Variants in RUNDC3B observed in about 807,000 individuals in gnomAD.
RUNDC3B encodes RUN domain containing 3B, also known as RUN domain-containing protein 3B.
A neutral mutation model predicts 58.4 loss-of-function variants in RUNDC3B; 33 were observed. The observed-to-expected ratio is 0.56, with a 90% CI of 0.43 to 0.75. The LOEUF (loss-of-function observed/expected upper bound fraction) is 0.75, where lower values mean the gene tolerates loss of function less well. Ranked by LOEUF, RUNDC3B falls within the 30% of genes least tolerant of loss-of-function variation. The pLI is 0.00. For synonymous variants in RUNDC3B, 193 were observed against 195.2 expected, an observed-to-expected ratio of 0.99 and a Z score of 0.10; for missense variants, 501 against 535.7, an observed-to-expected ratio of 0.94 and a Z score of 0.64.
intron 2 of RUNDC3B, among the ~76,000 whole-genome samples, chr7:87,694,244 G>A (rs987892904): frequency 1.3e-5 from 2 of 152,110 alleles, no homozygotes; most frequent in African/African-American, 2.4e-5. Context: ...GCAGCTCAGG[G>A]AAGCTGTATG....
At chr7:87,694,841 AG>A (rs1828357192) in intron 2 of RUNDC3B, among the ~76,000 whole-genome samples, 1 of 152,196 alleles carries the variant, frequency 6.6e-6, no homozygotes, top group Non-Finnish European at 1.5e-5. Context: ...TTCAATATTC[AG>A]ATTTTTGCTG....
intron 2 of RUNDC3B, among the ~76,000 whole-genome samples, chr7:87,681,787 G>T (rs1480507178): frequency 6.6e-6 from 1 of 152,096 alleles, no homozygotes; most frequent in East Asian, 1.9e-4. Context: ...AAGGCAGGAG[G>T]ATCACTTGAG....
At chr7:87,708,325 C>T (rs547702475) in intron 3 of RUNDC3B, among the ~76,000 whole-genome samples, 1 of 152,052 alleles carries the variant, frequency 6.6e-6, no homozygotes, top group South Asian at 2.1e-4. Flanking sequence ...GTATATCTCA[C>T]AGACATTAAA....
At chr7:87,691,548 T>A (rs1317091885) in intron 2 of RUNDC3B, among the ~76,000 whole-genome samples, 4 of 152,228 alleles carry the variant, frequency 2.6e-5, no homozygotes, top group African/African-American at 9.6e-5. Flanking sequence ...CAAAAGGTTT[T>A]GTTTCCATCT....
At chr7:87,807,225 C>A in intron 8 of RUNDC3B, 148 bp from the exon 9 acceptor site, 1 of 613,608 alleles carries the variant, frequency 1.6e-6, no homozygotes, top group Non-Finnish European at 2.8e-6. Flanking sequence ...AATCATTGTC[C>A]CAACCATCCT....
chr7:87,682,475 G>C (rs939205394), intron 2 of RUNDC3B, among the ~76,000 whole-genome samples: 3 of 152,144 alleles, frequency 2.0e-5, no homozygotes, highest in African/African-American at 7.2e-5. Context: ...TAAGACTTGG[G>C]TCTAAATTAC....
chr7:87,732,894 C>G (rs1229220200), intron 4 of RUNDC3B, among the ~76,000 whole-genome samples: 2 of 152,096 alleles, frequency 1.3e-5, no homozygotes, highest in East Asian at 3.9e-4. Context: ...TAATTTCTAA[C>G]AGAGCCTTAA....
chr7:87,769,489 T>C (rs2130867458), intron 6 of RUNDC3B, among the ~76,000 whole-genome samples: 1 of 152,272 alleles, frequency 6.6e-6, no homozygotes, highest in East Asian at 1.9e-4. Context: ...TGTTTGCTCC[T>C]GCATTTGACA....
chr7:87,639,878 T>G (rs908626018), intron 1 of RUNDC3B, among the ~76,000 whole-genome samples: 1 of 151,906 alleles, frequency 6.6e-6, no homozygotes, highest in Non-Finnish European at 1.5e-5. Context: ...CCATTTTAAT[T>G]AACGTTATTA....
chr7:87,796,126 AAAG>A (rs1280628030), intron 8 of RUNDC3B, among the ~76,000 whole-genome samples: 1 of 152,232 alleles, frequency 6.6e-6, no homozygotes, highest in Non-Finnish European at 1.5e-5. Flanking sequence ...ATTCAGCCAT[AAAG>A]AAGAATGAGA....
chr7:87,757,280 A>C (rs187745124), intron 6 of RUNDC3B, among the ~76,000 whole-genome samples: 1 of 152,252 alleles, frequency 6.6e-6, no homozygotes, highest in East Asian at 1.9e-4. Context: ...TACTTTCTAT[A>C]AATGGAAAAG....
chr7:87,703,073 A>G (rs1242575546), intron 3 of RUNDC3B, among the ~76,000 whole-genome samples: 2 of 152,202 alleles, frequency 1.3e-5, no homozygotes, highest in African/African-American at 4.8e-5. Flanking sequence ...AGAATGAAAC[A>G]TTAAGTAGAA....
intron 4 of RUNDC3B, among the ~76,000 whole-genome samples, chr7:87,715,335 TTAA>T (rs1830477493): frequency 8.5e-6 from 1 of 117,214 alleles, no homozygotes; most frequent in African/African-American, 3.7e-5. Context: ...TTATATATAA[TTAA>T]TTTATAATAA....
intron 9 of RUNDC3B, among the ~76,000 whole-genome samples, chr7:87,810,296 A>G (rs1836644097): frequency 6.6e-6 from 1 of 152,216 alleles, no homozygotes; most frequent in African/African-American, 2.4e-5. Context: ...CAGCTTTTAT[A>G]GGCCAAACAA....
Position 87,650,878 on chromosome 7 carries a change from C to G in RUNDC3B, c.179C>G (p.Ser60Cys). 6.2e-7 allele frequency: 1 copy of G among 1,613,130 alleles called. No individual in the cohort carries two copies. Among genetic ancestry groups the G allele is most frequent in the East Asian group, 2.2e-5 (1 of 44,800 alleles). ...RSCFETIDDS[S>C]PEFNNFAAIL... is the part of the protein sequence containing the mutation. ...TGCTTTGAGACAATTGATGATTCTT[C>G]TCCTGAATTTAACAATTTTGCAGCT... Residue 60 changes from serine (S) to cysteine (C), a missense_variant, in exon 2 of 11, where the codon TCT becomes TGT. By Grantham distance (112) the Ser-to-Cys change is moderately radical (BLOSUM62 -1). Transcript: ENST00000394654.
intron 4 of RUNDC3B, among the ~76,000 whole-genome samples, chr7:87,730,008 A>G (rs1831483985): frequency 6.6e-6 from 1 of 152,184 alleles, no homozygotes; most frequent in African/African-American, 2.4e-5. Context: ...TTGAAAGGAA[A>G]GATCCAGTCC....
At chr7:87,791,157 T>TA (rs1238907601) in intron 8 of RUNDC3B, among the ~76,000 whole-genome samples, 1 of 152,110 alleles carries the variant, frequency 6.6e-6, no homozygotes, top group Non-Finnish European at 1.5e-5. Context: ...GTGGAAATCT[T>TA]ACAGGTCCGA....
At chr7:87,803,162 T>G (rs1836262885) in intron 8 of RUNDC3B, among the ~76,000 whole-genome samples, 1 of 152,156 alleles carries the variant, frequency 6.6e-6, no homozygotes, top group Non-Finnish European at 1.5e-5. Context: ...TAAATTGTAT[T>G]TATTGACTTT....
chr7:87,682,921 A>G (rs1036386512), intron 2 of RUNDC3B, among the ~76,000 whole-genome samples: 1 of 152,242 alleles, frequency 6.6e-6, no homozygotes, highest in African/African-American at 2.4e-5. Flanking sequence ...TCTTCTTCCA[A>G]TATAAAGCTG....
Sources: allele counts gnomAD v4.1 joint callset (sites outside exome capture counted in the v4.1 genomes callset), GRCh38; gene constraint gnomAD v4.1.1; transcripts MANE v1.5; gene names NCBI Gene and HGNC (gene_info 2026-07-23, HGNC 2026-07-21).